Variants in CACNA1S observed in about 807,000 individuals in gnomAD.
CACNA1S encodes calcium voltage-gated channel subunit alpha1 S.
A neutral mutation model predicts 207.4 loss-of-function variants in CACNA1S; 126 were observed. The observed-to-expected ratio is 0.61, with a 90% CI of 0.53 to 0.70. CACNA1S has a LOEUF of 0.70. Ranked by LOEUF, CACNA1S falls within the 30% of genes least tolerant of loss-of-function variation. The probability of loss-of-function intolerance (pLI) is 0.00; values close to 1 mark genes in which losing one functional copy is unlikely to be tolerated. For synonymous variants in CACNA1S, 960 were observed against 932.7 expected (o/e 1.03, Z -0.53); for missense variants, 2,349 against 2,422.8 (o/e 0.97, Z 0.64).
At chr1:201,097,531 C>T (rs1341013575) in intron 2 of CACNA1S, among the ~76,000 whole-genome samples, 1 of 152,176 alleles carries the variant, frequency 6.6e-6, no homozygotes, top group Non-Finnish European at 1.5e-5. Flanking sequence ...ACCCTCTGAC[C>T]CCCCACAGGG....
intron 10 of CACNA1S, among the ~76,000 whole-genome samples, chr1:201,081,306 A>G (rs909250600): frequency 2.6e-5 from 4 of 152,242 alleles, no homozygotes; most frequent in East Asian, 1.9e-4. Flanking sequence ...TGTTTCTGCC[A>G]CTAAAAGACT....
chr1:201,084,387 G>A (rs1427339744), intron 9 of CACNA1S, among the ~76,000 whole-genome samples: 1 of 152,156 alleles, frequency 6.6e-6, no homozygotes, highest in East Asian at 1.9e-4. Context: ...TCTTTGAAGG[G>A]CACTGGAGAC....
chr1:201,052,838 T>C (rs1211987814), intron 31 of CACNA1S, among the ~76,000 whole-genome samples, 190 bp from the exon 32 acceptor site: 3 of 152,002 alleles, frequency 2.0e-5, no homozygotes, highest in Non-Finnish European at 4.4e-5. Flanking sequence ...AAGTTCTTCT[T>C]AGCAAGCCAA....
chr1:201,066,410 C>T lies in CACNA1S; in HGVS notation c.2658-94G>A. On this transcript the variant is annotated intron_variant, in intron 20 of 43. Transcript: ENST00000362061. The surrounding 1 kb of genome is among the most constrained non-coding windows in gnomAD (Gnocchi z 4.3). Reference sequence around the variant, plus strand: ...TCCAGCCATATCCTGCCCTCCACACCAGCTGCCTTTCTGCCTGAAAACACT... The same window carrying T: ...TCCAGCCATATCCTGCCCTCCACACTAGCTGCCTTTCTGCCTGAAAACACT... 1 of 1,074,924 alleles carries T rather than the reference C, an allele frequency of 9.3e-7. No homozygotes were observed. The highest frequency in any genetic ancestry group is 1.4e-6 in the Non-Finnish European group (1 of 702,174). 66.6% of individuals were successfully genotyped at this position (1,074,924 alleles called of 1,614,324 possible).
At chr1:201,087,602 G>T (rs561008460) in intron 7 of CACNA1S, among the ~76,000 whole-genome samples, 9 of 152,094 alleles carry the variant, frequency 5.9e-5, no homozygotes, top group Non-Finnish European at 8.8e-5. Context: ...GGAAGGAAGC[G>T]CTCTTGGCCC....
Position 201,062,004 on chromosome 1 carries a change from T to A in CACNA1S, c.2993A>T (p.Asp998Val). ...REWVHSDFHF[D>V]NVLSAMMSLF... ...GGACATCATGGCTGAGAGCACATTGTCGAAGTGGAAGTCGCTGTGTACCCA... is the reference window on the plus strand; with the variant it reads ...GGACATCATGGCTGAGAGCACATTGACGAAGTGGAAGTCGCTGTGTACCCA... The change falls in exon 24 of 44, where the codon GAC becomes GTC. Residue 998 changes from aspartate to valine, a missense_variant. Physicochemically the swap from Asp to Val is radical, Grantham distance 152. Transcript: ENST00000362061. 1 of 1,614,174 alleles carries A rather than the reference T, an allele frequency of 6.2e-7. No homozygotes were observed. Among genetic ancestry groups the A allele is most frequent in the Non-Finnish European group, 8.5e-7 (1 of 1,180,012 alleles).
intron 2 of CACNA1S, among the ~76,000 whole-genome samples, chr1:201,105,468 T>C (rs182895573): frequency 1.3e-4 from 20 of 152,280 alleles, no homozygotes; most frequent in Admixed American, 1.2e-3. Context: ...ATCACACAGC[T>C]AGTAGGTGAG....
chr1:201,071,814 A>G (rs1171867562), intron 16 of CACNA1S, among the ~76,000 whole-genome samples: 1 of 152,206 alleles, frequency 6.6e-6, no homozygotes, highest in Admixed American at 6.5e-5. Context: ...AAGAAATTTC[A>G]TTATTCTTAT....
chr1:201,106,486 A>G (rs1013903315), intron 2 of CACNA1S, among the ~76,000 whole-genome samples: 3 of 152,146 alleles, frequency 2.0e-5, no homozygotes, highest in Admixed American at 6.5e-5. Flanking sequence ...GCTCCTTCAC[A>G]GCCAGGCTAC....
At chr1:201,056,050 C>CAG (rs1553249489) in intron 28 of CACNA1S, among the ~76,000 whole-genome samples, 23 of 140,670 alleles carry the variant, frequency 1.6e-4, no homozygotes, top group African/African-American at 5.1e-4. Flanking sequence ...AACACACACA[C>CAG]ACAGACAGAC....
intron 28 of CACNA1S, among the ~76,000 whole-genome samples, chr1:201,055,110 G>A (rs1660794657): frequency 6.6e-6 from 1 of 152,182 alleles, no homozygotes; most frequent in Admixed American, 6.5e-5. Context: ...CAGTATTCGG[G>A]CTCTTGAAGA....
At chr1:201,106,425 C>T (rs890318862) in intron 2 of CACNA1S, among the ~76,000 whole-genome samples, 8 of 152,084 alleles carry the variant, frequency 5.3e-5, no homozygotes, top group African/African-American at 9.7e-5. Flanking sequence ...CCTTTGCCCA[C>T]GTGGCTTCCT....
chr1:201,041,058 C>T (rs1660164486), intron 41 of CACNA1S, among the ~76,000 whole-genome samples: 2 of 152,162 alleles, frequency 1.3e-5, no homozygotes, highest in South Asian at 4.1e-4. Context: ...TGCCACTAGC[C>T]CCCAGCATCC....
At chr1:201,079,946 G>T (rs767662205) in intron 10 of CACNA1S, among the ~76,000 whole-genome samples, 38 of 152,184 alleles carry the variant, frequency 2.5e-4, no homozygotes, top group Non-Finnish European at 4.1e-4. Context: ...CCTATCTCAA[G>T]ACTGTTTGGG....
intron 19 of CACNA1S, among the ~76,000 whole-genome samples, chr1:201,068,231 CTTTTTTTTTTTTTTTTTTTT>C (rs60151209): frequency 6.0e-4 from 28 of 46,958 alleles, no homozygotes; most frequent in Non-Finnish European, 9.1e-4. Context: ...CGGCTCTGCT[CTTTTTTTTTTTTTTTTTTTT>C]TTTTTTTTTT....
At chr1:201,086,017 T>C (rs542795222) in intron 7 of CACNA1S, among the ~76,000 whole-genome samples, 3 of 152,284 alleles carry the variant, frequency 2.0e-5, no homozygotes, top group South Asian at 4.1e-4. Flanking sequence ...AAAATTCTCC[T>C]TGGACTCCAA....
In CACNA1S at chr1:201,066,268, G is replaced by A; in HGVS notation, c.2706C>T (p.Leu902=). 1 of 1,613,462 alleles carries A rather than the reference G, an allele frequency of 6.2e-7. No individual in the cohort carries two copies. Among genetic ancestry groups the A allele is most frequent in the Non-Finnish European group, 8.5e-7 (1 of 1,179,958 alleles). ...VVKILRVLRV[L]RPLRAINRAK... is the part of the protein sequence containing the mutation. ...CTCTGTTGATGGCTCTGAGTGGTCG[G>A]AGCACCCTCAGCACCCTCAGGATCT... is the stretch of plus-strand genomic sequence containing the variant. Residue 902 remains leucine (L), a synonymous_variant, in exon 21 of 44, where the codon CTC becomes CTT. Coordinates refer to ENST00000362061, the MANE Select transcript of CACNA1S (RefSeq NM_000069.3). This position sits in a 1 kb window ranked among gnomAD's most constrained non-coding sequence, Gnocchi z 4.3.
chr1:201,066,127 G>T lies in CACNA1S; in HGVS notation c.2745+102C>A. On this transcript the variant is annotated intron_variant, in intron 21 of 43. Transcript: ENST00000362061. This position sits in a 1 kb window ranked among gnomAD's most constrained non-coding sequence, Gnocchi z 4.3. ...TACCCCTATCTGCCCAGGGAGATGG[G>T]ACAGGGGTCCCAGCCATGGCTGGGC... 1 of 1,187,756 alleles carries T rather than the reference G, an allele frequency of 8.4e-7. No homozygotes were observed. The highest frequency in any genetic ancestry group is 1.3e-6 in the Non-Finnish European group (1 of 799,070). The allele number at this position is 1,187,756 out of a possible 1,614,324, so 73.6% of individuals were successfully genotyped here.
At chr1:201,101,915 G>A (rs186830848) in intron 2 of CACNA1S, among the ~76,000 whole-genome samples, 5 of 151,950 alleles carry the variant, frequency 3.3e-5, no homozygotes, top group Admixed American at 2.0e-4. Context: ...AAGAAGAAAA[G>A]AAAAAGCATC....
Sources: allele counts gnomAD v4.1 joint callset (sites outside exome capture counted in the v4.1 genomes callset), GRCh38; gene constraint gnomAD v4.1.1; non-coding constraint Gnocchi (gnomAD v3.1); transcripts MANE v1.5; gene names NCBI Gene and HGNC (gene_info 2026-07-23, HGNC 2026-07-21).